The following CALCRL variants were observed in gnomAD, a reference collection of about 807,000 sequenced individuals.
The protein encoded by CALCRL is calcitonin gene-related peptide type 1 receptor.
A neutral mutation model predicts 60.4 loss-of-function variants in CALCRL; 27 were observed. The observed-to-expected ratio is 0.45, with a 90% CI of 0.33 to 0.62. CALCRL has a LOEUF of 0.62. Among genes scored for constraint, CALCRL ranks in the 20% least tolerant of loss-of-function variants. CALCRL has a pLI of 0.03. For synonymous variants in CALCRL, 190 were observed against 182.6 expected (o/e 1.04, Z -0.33); for missense variants, 424 against 540.7 (o/e 0.78, Z 2.14).
intron 1 of CALCRL, among the ~76,000 whole-genome samples, chr2:187,443,634 T>G (rs1324540996): frequency 6.6e-6 from 1 of 151,728 alleles, no homozygotes; most frequent in Non-Finnish European, 1.5e-5. Flanking sequence ...AAAGTAAAAT[T>G]TTAAAGACAT....
chr2:187,388,646 G>T, intron 1 of CALCRL, among the ~76,000 whole-genome samples: 1 of 151,844 alleles, frequency 6.6e-6, no homozygotes, highest in South Asian at 2.1e-4. Flanking sequence ...AACCTATTCA[G>T]CTTTATTTGT....
At chr2:187,374,766 T>TTAC (rs1340492215) in intron 8 of CALCRL, among the ~76,000 whole-genome samples, 3 of 152,130 alleles carry the variant, frequency 2.0e-5, no homozygotes, top group Non-Finnish European at 4.4e-5. Flanking sequence ...TCAGTAACTC[T>TTAC]TACTACTCAT....
At chr2:187,442,598 A>G (rs1237547372) in intron 1 of CALCRL, among the ~76,000 whole-genome samples, 1 of 151,822 alleles carries the variant, frequency 6.6e-6, no homozygotes, top group Non-Finnish European at 1.5e-5. Context: ...TTCCTATAAT[A>G]AGAACTTTAA....
At chr2:187,374,753 A>C (rs1687673736) in intron 8 of CALCRL, among the ~76,000 whole-genome samples, 1 of 152,084 alleles carries the variant, frequency 6.6e-6, no homozygotes, top group African/African-American at 2.4e-5. Context: ...TCTAATGAAA[A>C]AATCAGTAAC....
Position 187,344,322 on chromosome 2 carries a change from A to T in CALCRL, c.*1862T>A, listed in dbSNP as rs953031641. ...TATATGTTAATTCTTACGAATTTAG[A>T]TAATTTGTCTTAGCAATTTGAAATA... On this transcript the variant is annotated 3_prime_UTR_variant, in exon 15 of 15. Transcript: ENST00000392370. 6.6e-6 allele frequency: 1 copy of T among 151,666 alleles called. No individual in the cohort carries two copies. Among genetic ancestry groups the T allele is most frequent in the Non-Finnish European group, 1.5e-5 (1 of 67,668 alleles). 9.4% of individuals were successfully genotyped at this position (151,666 alleles called of 1,614,324 possible).
At chr2:187,433,952 G>A (rs1406115449) in intron 1 of CALCRL, among the ~76,000 whole-genome samples, 1 of 151,990 alleles carries the variant, frequency 6.6e-6, no homozygotes, top group Non-Finnish European at 1.5e-5. Context: ...TAGGTAGAGA[G>A]ACACAATCAC....
intron 1 of CALCRL, among the ~76,000 whole-genome samples, chr2:187,440,869 A>G (rs918259449): frequency 1.3e-5 from 2 of 152,108 alleles, no homozygotes; most frequent in African/African-American, 4.8e-5. Flanking sequence ...GAAGTTAGCT[A>G]TTGTTAGAAA....
intron 1 of CALCRL, among the ~76,000 whole-genome samples, chr2:187,420,803 A>C (rs1574305798): frequency 6.6e-6 from 1 of 152,322 alleles, no homozygotes; most frequent in Non-Finnish European, 1.5e-5. Flanking sequence ...ATACAGTAAT[A>C]ATCCATATCT....
intron 8 of CALCRL, among the ~76,000 whole-genome samples, chr2:187,372,845 A>G (rs557227717): frequency 6.6e-6 from 1 of 152,302 alleles, no homozygotes; most frequent in Non-Finnish European, 1.5e-5. Flanking sequence ...ATGAAAGCTA[A>G]TAATTTCTAT....
At chr2:187,444,871 A>G (rs1389450931) in intron 1 of CALCRL, among the ~76,000 whole-genome samples, 1 of 151,720 alleles carries the variant, frequency 6.6e-6, no homozygotes, top group African/African-American at 2.4e-5. Context: ...TACATGGTCC[A>G]TGTGAATATA....
intron 1 of CALCRL, among the ~76,000 whole-genome samples, chr2:187,437,736 T>C (rs1247222634): frequency 1.3e-5 from 2 of 152,076 alleles, no homozygotes; most frequent in Non-Finnish European, 2.9e-5. Flanking sequence ...AGTCAGAAAG[T>C]TTAGGGATAA....
intron 10 of CALCRL, 83 bp downstream of exon 10, chr2:187,360,515 A>G: frequency 8.8e-7 from 1 of 1,140,208 alleles, no homozygotes; most frequent in Non-Finnish European, 1.2e-6. Context: ...ACTCATTGGT[A>G]TATTCATATT....
intron 1 of CALCRL, among the ~76,000 whole-genome samples, chr2:187,429,251 T>C (rs1308564493): frequency 2.0e-5 from 3 of 149,570 alleles, no homozygotes; most frequent in Non-Finnish European, 4.4e-5. Flanking sequence ...AATAAAACCA[T>C]ACAAAAAAAA....
chr2:187,407,102 T>C (rs1689171156), intron 1 of CALCRL, among the ~76,000 whole-genome samples: 1 of 152,056 alleles, frequency 6.6e-6, no homozygotes, highest in South Asian at 2.1e-4. Flanking sequence ...CGTCTGTTTT[T>C]GTTTTGTTTT....
chr2:187,351,982 G>T, intron 13 of CALCRL, 21 bp from the exon 14 acceptor site: 1 of 1,592,132 alleles, frequency 6.3e-7, no homozygotes, highest in South Asian at 1.1e-5. Flanking sequence ...AAAATAGAAT[G>T]ATCTGAATCC....
At chr2:187,365,862 A>AG (rs1366128111) in intron 8 of CALCRL, among the ~76,000 whole-genome samples, 1 of 152,210 alleles carries the variant, frequency 6.6e-6, no homozygotes, top group African/African-American at 2.4e-5. Context: ...ATTGCATAGA[A>AG]GAAAAAAAGT....
At chr2:187,419,190 T>C (rs966199511) in intron 1 of CALCRL, among the ~76,000 whole-genome samples, 1 of 151,936 alleles carries the variant, frequency 6.6e-6, no homozygotes, top group Non-Finnish European at 1.5e-5. Context: ...TGGACTAAAT[T>C]GTGTCTGCCC....
At chr2:187,385,502 T>C in intron 4 of CALCRL, 43 bp downstream of exon 4, 1 of 978,886 alleles carries the variant, frequency 1.0e-6, no homozygotes, top group Non-Finnish European at 1.6e-6. Flanking sequence ...ATAGGTATAC[T>C]GGAAGCAATA....
intron 12 of CALCRL, among the ~76,000 whole-genome samples, chr2:187,357,103 C>T (rs1236460945): frequency 1.3e-5 from 2 of 152,116 alleles, no homozygotes; most frequent in African/African-American, 4.8e-5. Context: ...GGTGACTCCT[C>T]AAGGATCTAG....
Sources: gnomAD v4.1 joint callset for allele counts (sites outside exome capture counted in the v4.1 genomes callset) on GRCh38, gnomAD v4.1.1 for gene constraint, MANE v1.5 for transcripts, NCBI Gene and HGNC (gene_info 2026-07-23, HGNC 2026-07-21) for gene names.